The following DAB1 variants were observed in gnomAD, a reference collection of about 807,000 sequenced individuals.
DAB1 encodes the protein DAB adaptor protein 1.
DAB1 carries 15 observed loss-of-function variants against 64.6 expected under a neutral mutation model. The ratio of observed to expected loss-of-function variants is 0.23; its 90% confidence interval spans 0.16 to 0.36. The LOEUF (loss-of-function observed/expected upper bound fraction) is 0.36, where lower values mean the gene tolerates loss of function less well. Among genes scored for constraint, DAB1 ranks in the 10% least tolerant of loss-of-function variants. The pLI is 1.00. For missense variants in DAB1, 596 were observed against 706.7 expected, an observed-to-expected ratio of 0.84 and a Z score of 1.78; for synonymous variants, 235 against 251.9, an observed-to-expected ratio of 0.93 and a Z score of 0.64.
intron 2 of DAB1, among the ~76,000 whole-genome samples, chr1:58,521,921 T>C (rs1646271048): frequency 6.6e-6 from 1 of 152,172 alleles, no homozygotes; most frequent in Non-Finnish European, 1.5e-5. Context: ...GAGGCCAGCA[T>C]AACTTTGATT....
At position 57,576,187 on chromosome 1, in the gene DAB1, A is replaced by G. The variant is rs116650750; in HGVS notation, n.625+73405T>C. ...TTTAGTTTCATTATTATAAACTAGA[A>G]TTGTGTTAGATGATTTTGTCCAACT... On this transcript the variant is annotated intron_variant and non_coding_transcript_variant, in intron 7 of 20. Transcript: ENST00000485760. Among the ~76,000 whole-genome samples the G allele has an allele frequency of 4.0e-3, 608 of 152,182 alleles. 3 individuals carry two copies. Among genetic ancestry groups the G allele is most frequent in the African/African-American group, 0.014 (585 of 41,538 alleles).
At chr1:57,094,528 G>C (rs1020838231) in intron 4 of DAB1, among the ~76,000 whole-genome samples, 1 of 152,174 alleles carries the variant, frequency 6.6e-6, no homozygotes, top group Non-Finnish European at 1.5e-5. Flanking sequence ...GAGGCGAAGG[G>C]GGGATTTGGG....
intron 3 of DAB1, among the ~76,000 whole-genome samples, chr1:58,441,703 C>T (rs1289778168): frequency 6.6e-6 from 1 of 152,202 alleles, no homozygotes; most frequent in East Asian, 1.9e-4. Context: ...AGATGTCCTC[C>T]TGGTAGGACC....
intron 2 of DAB1, among the ~76,000 whole-genome samples, chr1:57,212,613 C>T (rs567906381): frequency 1.8e-3 from 266 of 151,980 alleles, no homozygotes; most frequent in African/African-American, 6.1e-3. Flanking sequence ...GTGACCCACC[C>T]GCCTCGGCCT....
At chr1:57,638,605 C>T (rs564859387) in intron 7 of DAB1, among the ~76,000 whole-genome samples, 309 of 152,294 alleles carry the variant, frequency 2.0e-3, no homozygotes, top group Non-Finnish European at 3.7e-3. Context: ...GGATTATCAC[C>T]TATTTCCTAA....
chr1:58,433,593 G>C (rs1644904396), intron 3 of DAB1, among the ~76,000 whole-genome samples: 1 of 83,014 alleles, frequency 1.2e-5, no homozygotes, highest in Admixed American at 1.0e-4. Flanking sequence ...GAGAGAGAGA[G>C]AGAGTGTGTG....
At chr1:57,584,724 G>GTAGT (rs1246965351) in intron 7 of DAB1, among the ~76,000 whole-genome samples, 1 of 152,204 alleles carries the variant, frequency 6.6e-6, no homozygotes, top group East Asian at 1.9e-4. Context: ...CTAGAGCCTT[G>GTAGT]TAGTTACTCT....
chr1:58,223,233 T>C (rs1250892610), intron 4 of DAB1, among the ~76,000 whole-genome samples: 5 of 152,124 alleles, frequency 3.3e-5, no homozygotes, highest in African/African-American at 9.7e-5. Flanking sequence ...ACCCCGAATA[T>C]CTTATCTGGT....
chr1:57,686,134 T>A (rs1276733941), intron 6 of DAB1, among the ~76,000 whole-genome samples: 1 of 152,008 alleles, frequency 6.6e-6, no homozygotes, highest in Non-Finnish European at 1.5e-5. Context: ...TTTCAAAGAA[T>A]AAACAAGATT....
intron 5 of DAB1, among the ~76,000 whole-genome samples, chr1:58,113,249 A>T (rs771859398): frequency 6.6e-6 from 1 of 152,104 alleles, no homozygotes; most frequent in Non-Finnish European, 1.5e-5. Context: ...GATGGGCAGG[A>T]TTCTGGCCAG....
At chr1:58,016,122 A>G (rs769035548) in intron 5 of DAB1, among the ~76,000 whole-genome samples, 35 of 152,150 alleles carry the variant, frequency 2.3e-4, no homozygotes, top group Non-Finnish European at 1.2e-4. Context: ...ATTTAATGAG[A>G]TAATGTAGTT....
At chr1:57,573,494 G>T (rs1645215500) in intron 7 of DAB1, among the ~76,000 whole-genome samples, 1 of 152,196 alleles carries the variant, frequency 6.6e-6, no homozygotes, top group Admixed American at 6.5e-5. Flanking sequence ...CAAACTCCCA[G>T]CACCCATGCA....
intron 2 of DAB1, among the ~76,000 whole-genome samples, chr1:58,524,557 T>C (rs1004381872): frequency 1.3e-5 from 2 of 152,244 alleles, no homozygotes; most frequent in Admixed American, 1.3e-4. Flanking sequence ...TTGCAAAAAG[T>C]GCAAGGTTTT....
At chr1:57,913,267 C>T (rs1313150417) in intron 5 of DAB1, among the ~76,000 whole-genome samples, 1 of 152,018 alleles carries the variant, frequency 6.6e-6, no homozygotes, top group African/African-American at 2.4e-5. Flanking sequence ...TGGAACAGAA[C>T]AGAGCCCTCA....
At chr1:58,240,204 T>A (rs1479189158) in intron 4 of DAB1, among the ~76,000 whole-genome samples, 3 of 152,234 alleles carry the variant, frequency 2.0e-5, no homozygotes, top group Admixed American at 6.5e-5. Flanking sequence ...CCAGAATAAG[T>A]ACAATATTCC....
At chr1:57,037,641 A>G (rs77821092) in intron 9 of DAB1, among the ~76,000 whole-genome samples, 1,808 of 152,380 alleles carry the variant, frequency 0.012, 19 homozygotes, top group Middle Eastern at 0.034. Context: ...CATTTCCCTA[A>G]TGAAGGATTT....
At chr1:58,135,724 G>T (rs929165612) in intron 5 of DAB1, among the ~76,000 whole-genome samples, 3 of 152,116 alleles carry the variant, frequency 2.0e-5, no homozygotes, top group Non-Finnish European at 4.4e-5. Context: ...CCAAAGGAAA[G>T]ATATAATCTA....
intron 5 of DAB1, among the ~76,000 whole-genome samples, chr1:57,950,798 T>C (rs1261006005): frequency 6.6e-6 from 1 of 152,174 alleles, no homozygotes; most frequent in Non-Finnish European, 1.5e-5. Context: ...GCACCTTAAG[T>C]ACACTTCACC....
At chr1:58,043,143 C>G (rs988485869) in intron 5 of DAB1, among the ~76,000 whole-genome samples, 1 of 152,126 alleles carries the variant, frequency 6.6e-6, no homozygotes, top group African/African-American at 2.4e-5. Flanking sequence ...CTGCTCTTTC[C>G]AAACTGTTAA....
Sources: gnomAD v4.1 joint callset for allele counts (sites outside exome capture counted in the v4.1 genomes callset) on GRCh38, gnomAD v4.1.1 for gene constraint, MANE v1.5 for transcripts, NCBI Gene and HGNC (gene_info 2026-07-23, HGNC 2026-07-21) for gene names.